The following CHD5 variants were observed in gnomAD, a reference collection of about 807,000 sequenced individuals.
CHD5 encodes chromodomain helicase DNA binding protein 5, also known as ATP-dependent chromatin remodeler CHD5.
In CHD5, 69 loss-of-function variants were observed where a neutral mutation model predicts 230.3. The ratio of observed to expected loss-of-function variants is 0.30; its 90% CI spans 0.25 to 0.37. The LOEUF is 0.37. Ranked by LOEUF, CHD5 falls within the 10% of genes least tolerant of loss-of-function variation. The pLI, the probability that CHD5 is intolerant of heterozygous loss-of-function variation, is 1.00. For missense variants in CHD5, 1,827 were observed against 2,622.8 expected (o/e 0.70, Z 6.63); for synonymous variants, 1,064 against 1,065.9 (o/e 1.00, Z 0.03).
At chr1:6,172,690 G>A (rs1409947903) in intron 1 of CHD5, among the ~76,000 whole-genome samples, 5 of 152,228 alleles carry the variant, frequency 3.3e-5, no homozygotes, top group South Asian at 4.2e-4. Context: ...AAACCGGCTC[G>A]GTGGATGCCC....
rs1231673658 is a variant in CHD5, at chr1:6,134,630, A to T, written c.3012+88T>A. ...GCCACAATGGCCAGGAGAACCTATC[A>T]CAGCGGCCACAGGGACCTACCATGG... On this transcript the variant is annotated intron_variant, in intron 19 of 41. Transcript: ENST00000262450. This position sits in a 1 kb window ranked among gnomAD's most constrained non-coding sequence, Gnocchi z 6.3. 1.3e-5 allele frequency: 18 copies of T among 1,354,764 alleles called. No homozygotes were observed. The East Asian group carries it at 4.1e-4, about 31-fold the overall frequency. The allele number at this position is 1,354,764 out of a possible 1,614,324, so 83.9% of individuals were successfully genotyped here.
chr1:6,143,662 C>G (rs892726881), intron 13 of CHD5, among the ~76,000 whole-genome samples, 161 bp downstream of exon 13: 3 of 152,166 alleles, frequency 2.0e-5, no homozygotes, highest in Admixed American at 2.0e-4. Context: ...TTATGAGGGG[C>G]CTTCCAGCTG....
In CHD5 at chr1:6,159,414, G is replaced by A. The variant is rs751039684; in HGVS notation, c.309C>T (p.Leu103=). 3.2e-6 allele frequency: 5 copies of A among 1,559,928 alleles called. No individual in the cohort carries two copies. Among genetic ancestry groups the A allele is most frequent in the Admixed American group, 3.8e-5 (2 of 52,468 alleles). The stretch of plus-strand genomic sequence containing the variant: ...TGGCTTTTTTCTCCTTCTTGTCCTT[G>A]AGTTTCTTCTTCTTCTTTTTATTCG... ...YSPNKKKKKK[L]KDKKEKKAKR... Residue 103 remains leucine (L), a synonymous_variant, in exon 3 of 42, where the codon CTC becomes CTT. Transcript: ENST00000262450.
At position 6,128,153 on chromosome 1, in the gene CHD5, G is replaced by A; in HGVS notation, c.3796C>T (p.Leu1266=). ...TCTGTAGCGTCCTGGTTCCGGTCCAGCAGCTTGGAGATGGCCGCATCGTCA... is the reference window on the plus strand; with the variant it reads ...TCTGTAGCGTCCTGGTTCCGGTCCAACAGCTTGGAGATGGCCGCATCGTCA... ...HYDDAAISKL[L]DRNQDATDDT... Residue 1266 remains leucine (L), a synonymous_variant, in exon 25 of 42, where the codon CTG becomes TTG. Transcript: ENST00000262450. The surrounding 1 kb of genome is among the most constrained non-coding windows in gnomAD (Gnocchi z 7.8). The A allele has an allele frequency of 6.2e-7, 1 of 1,614,208 alleles. No individual in the cohort carries two copies. Among genetic ancestry groups the A allele is most frequent in the Non-Finnish European group, 8.5e-7 (1 of 1,180,022 alleles).
Position 6,102,429 on chromosome 1 carries a change from C to T in CHD5, c.*3045G>A, listed in dbSNP as rs879217744. 20 of 153,572 alleles carry T rather than the reference C, an allele frequency of 1.3e-4. 1 individual carries two copies. Among genetic ancestry groups the T allele is most frequent in the Admixed American group, 1.1e-3 (17 of 15,276 alleles). The allele number at this position is 153,572 out of a possible 1,614,324, so 9.5% of individuals were successfully genotyped here. A position where few individuals can be genotyped will look rare whatever the true frequency, so the allele number is the denominator to read the frequency against. On this transcript the variant is annotated 3_prime_UTR_variant, in exon 42 of 42. Coordinates refer to ENST00000262450, the MANE Select transcript of CHD5 (RefSeq NM_015557.3). ...AGGGGCCGAGGCCAGGTCACCAAGA[C>T]GGTGAGGGCAGAGGGGCGTGCCAGC... is the stretch of plus-strand genomic sequence containing the variant.
intron 1 of CHD5, among the ~76,000 whole-genome samples, chr1:6,169,506 C>T (rs760330754): frequency 2.0e-5 from 3 of 152,224 alleles, no homozygotes; most frequent in African/African-American, 4.8e-5. Flanking sequence ...GGGGGTGTGA[C>T]GTGAGACCCC....
intron 15 of CHD5, among the ~76,000 whole-genome samples, chr1:6,140,994 T>TAAA (rs140042410): frequency 0.075 from 11,217 of 148,624 alleles, 674 homozygotes; most frequent in East Asian, 0.29. Flanking sequence ...ATAATAATAA[T>TAAA]AATAATAGGC....
At chr1:6,110,013 G>T (rs1458992156) in intron 37 of CHD5, 23 bp from the exon 38 acceptor site, 3 of 1,500,380 alleles carry the variant, frequency 2.0e-6, no homozygotes, top group Non-Finnish European at 2.7e-6. Context: ...CGCAGCGTCG[G>T]CCCGGCCCCT....
At chr1:6,107,401 G>A (rs530087492) in intron 38 of CHD5, among the ~76,000 whole-genome samples, 11 of 93,024 alleles carry the variant, frequency 1.2e-4, no homozygotes, top group South Asian at 5.5e-4. Flanking sequence ...GAATGGAGGG[G>A]TGGAGAAATG....
chr1:6,131,668 G>A lies in CHD5; in HGVS notation c.3225C>T (p.Thr1075=), dbSNP rs549235865. Residue 1075 remains threonine, a synonymous_variant, in exon 21 of 42, where the codon ACC becomes ACT. Transcript: ENST00000262450. The surrounding 1 kb of genome is among the most constrained non-coding windows in gnomAD (Gnocchi z 5.0). ...CGATTGCCTCCTGCCGGAGGCCCCC[G>A]GTGATGCCACCATCAATCCGCTCAT... The part of the protein sequence containing the change: ...YKYERIDGGI[T]GGLRQEAIDR... The A allele has an allele frequency of 2.0e-4, 318 of 1,612,596 alleles. No homozygotes were observed. Among genetic ancestry groups the A allele is most frequent in the Admixed American group, 3.8e-4 (23 of 60,010 alleles).
intron 1 of CHD5, among the ~76,000 whole-genome samples, chr1:6,178,642 T>C (rs990839004): frequency 1.3e-5 from 2 of 151,910 alleles, no homozygotes; most frequent in Non-Finnish European, 2.9e-5. Flanking sequence ...ACTCCCCTAT[T>C]CCCCGTCCCC....
intron 1 of CHD5, among the ~76,000 whole-genome samples, chr1:6,173,773 T>G (rs968177132): frequency 5.9e-5 from 9 of 152,016 alleles, no homozygotes; most frequent in Non-Finnish European, 8.8e-5. Context: ...GGGCCAGAGG[T>G]TCTCAGGGCC....
rs1571164256 is a variant in CHD5, at chr1:6,154,958, A to ACC, written c.507-62_507-61dup. On this transcript the variant is annotated intron_variant, in intron 4 of 41. Transcript: ENST00000262450. The surrounding 1 kb of genome is among the most constrained non-coding windows in gnomAD (Gnocchi z 7.0). ...CCAGGTGAGATGAGAGGCCCACCCGACCCCCGGCAGGGCCCACCCCTCTGC... is the reference window on the plus strand; with the variant it reads ...CCAGGTGAGATGAGAGGCCCACCCGACCCCCCCGGCAGGGCCCACCCCTCTGC... The ACC allele has an allele frequency of 1.2e-5, 18 of 1,467,002 alleles. No individual in the cohort carries two copies. In the East Asian group the frequency reaches 4.2e-4, roughly 34 times the overall value. The allele number at this position is 1,467,002 out of a possible 1,614,324, so 90.9% of individuals were successfully genotyped here.
chr1:6,119,686 T>C (rs1268459338), intron 33 of CHD5, among the ~76,000 whole-genome samples: 1 of 151,840 alleles, frequency 6.6e-6, no homozygotes, highest in African/African-American at 2.4e-5. Flanking sequence ...CATTATCTAC[T>C]GACCTAATGC....
At chr1:6,160,022 A>AGGAG (rs1571167151) in intron 2 of CHD5, among the ~76,000 whole-genome samples, 2 of 104,460 alleles carry the variant, frequency 1.9e-5, no homozygotes, top group Admixed American at 9.2e-5. Context: ...CAGAGAAGAA[A>AGGAG]AGCCCCAGCC....
chr1:6,122,682 CA>C (rs768483425), intron 31 of CHD5, among the ~76,000 whole-genome samples: 6 of 152,212 alleles, frequency 3.9e-5, no homozygotes, highest in Non-Finnish European at 8.8e-5. Context: ...AAACATAAAA[CA>C]CAGCAGCATT....
rs545465261 is a variant in CHD5, at chr1:6,130,676, G to T, written c.3263-348C>A. Among the ~76,000 whole-genome samples, 1 of 152,202 alleles carries T rather than the reference G, an allele frequency of 6.6e-6. No homozygotes were observed. Among genetic ancestry groups the T allele is most frequent in the Non-Finnish European group, 1.5e-5 (1 of 68,016 alleles). ...AGAGCTCAGAGTCCTTCATGTCCCC[G>T]CAGCTTCCCACCCCTGGCTTCCCTT... On this transcript the variant is annotated intron_variant, in intron 21 of 41. Coordinates refer to ENST00000262450, the MANE Select transcript of CHD5 (RefSeq NM_015557.3). This position sits in a 1 kb window ranked among gnomAD's most constrained non-coding sequence, Gnocchi z 4.9.
In CHD5 at chr1:6,128,281, G is replaced by A. The variant is rs1666595941; in HGVS notation, c.3731-63C>T. On this transcript the variant is annotated intron_variant, in intron 24 of 41. Transcript: ENST00000262450. The surrounding 1 kb of genome is among the most constrained non-coding windows in gnomAD (Gnocchi z 7.8). Reference sequence around the variant, plus strand: ...GCCCTGGTCCAGCCCCGGGGTCCCAGGAACAGACTCCCAACAATGGCCCTT... The same window carrying A: ...GCCCTGGTCCAGCCCCGGGGTCCCAAGAACAGACTCCCAACAATGGCCCTT... 10 of 1,530,194 alleles carry A rather than the reference G, an allele frequency of 6.5e-6. No individual in the cohort carries two copies. Among genetic ancestry groups the A allele is most frequent in the Non-Finnish European group, 8.1e-6 (9 of 1,116,896 alleles). The allele number at this position is 1,530,194 out of a possible 1,614,324, so 94.8% of individuals were successfully genotyped here.
Position 6,102,022 on chromosome 1 carries a change from C to A in CHD5, c.*3452G>T. On this transcript the variant is annotated 3_prime_UTR_variant, in exon 42 of 42. Coordinates refer to ENST00000262450, the MANE Select transcript of CHD5 (RefSeq NM_015557.3). ...CACCCAGCCCAGGGCCCTCCCTTTG[C>A]CAGCCTGGGGCTGTGCCTGGGGAAA... The A allele has an allele frequency of 2.6e-6, 1 of 389,096 alleles. No homozygotes were observed. The highest frequency in any genetic ancestry group is 5.2e-6 in the Non-Finnish European group (1 of 193,976). The allele number at this position is 389,096 out of a possible 1,614,324, so 24.1% of individuals were successfully genotyped here. A position where few individuals can be genotyped will look rare whatever the true frequency, so the allele number is the denominator to read the frequency against.
Sources: allele counts gnomAD v4.1 joint callset (sites outside exome capture counted in the v4.1 genomes callset), GRCh38; gene constraint gnomAD v4.1.1; non-coding constraint Gnocchi (gnomAD v3.1); transcripts MANE v1.5; gene names NCBI Gene and HGNC (gene_info 2026-07-23, HGNC 2026-07-21).